Variants in ZNF469 observed in about 807,000 individuals in gnomAD.
ZNF469 encodes zinc finger protein 469.
Under a neutral mutation model 1.0 loss-of-function variants are expected in ZNF469, and 1 was observed. The ratio of observed to expected loss-of-function variants is 1.00; its 90% CI spans 0.35 to 4.73. The LOEUF (loss-of-function observed/expected upper bound fraction) is 4.73, where lower values mean the gene tolerates loss of function less well. ZNF469 is among the 30% of genes most tolerant of loss of function. ZNF469 has a pLI of 0.16. For missense variants in ZNF469, 6,100 were observed against 5,356.3 expected, an observed-to-expected ratio of 1.14 and a Z score of -4.33; for synonymous variants, 2,703 against 2,363.4, an observed-to-expected ratio of 1.14 and a Z score of -4.17.
intron 1 of ZNF469, among the ~76,000 whole-genome samples, chr16:88,385,452 A>G (rs2092534812): frequency 6.6e-6 from 1 of 151,990 alleles, no homozygotes; most frequent in Non-Finnish European, 1.5e-5. Flanking sequence ...CCTGGGCAAC[A>G]TAGTGAGACC....
At chr16:88,389,430 C>A (rs891031178) in intron 1 of ZNF469, among the ~76,000 whole-genome samples, 2 of 152,256 alleles carry the variant, frequency 1.3e-5, no homozygotes, top group Non-Finnish European at 2.9e-5. Context: ...TGGCTTGCCT[C>A]CCCTGTCTGG....
the ZNF469 span, among the ~76,000 whole-genome samples, chr16:88,337,628 A>T: frequency 6.6e-6 from 1 of 152,062 alleles, no homozygotes. Flanking sequence ...TTGCATCCCC[A>T]TTTGCAAGGC....
the ZNF469 span, among the ~76,000 whole-genome samples, chr16:88,331,827 T>C: frequency 6.6e-6 from 1 of 151,908 alleles, no homozygotes; most frequent in Non-Finnish European, 1.5e-5. Flanking sequence ...ATCACTATCA[T>C]CACCATCATC....
intron 1 of ZNF469, among the ~76,000 whole-genome samples, chr16:88,383,471 C>T (rs2092530522): frequency 6.7e-6 from 1 of 148,866 alleles, no homozygotes. Flanking sequence ...ACGTGCGGGG[C>T]AGCGAGCGCC....
intron 1 of ZNF469, among the ~76,000 whole-genome samples, chr16:88,417,847 AGCCCACGTGTGCATGG>A (rs1275058111): frequency 1.3e-5 from 2 of 152,196 alleles, no homozygotes; most frequent in Non-Finnish European, 2.9e-5. Context: ...AGTGTGCGTG[AGCCCACGTGTGCATGG>A]GCATGTGTGG....
the ZNF469 span, among the ~76,000 whole-genome samples, chr16:88,369,756 G>A: frequency 2.6e-5 from 4 of 152,180 alleles, no homozygotes; most frequent in African/African-American, 7.2e-5. Flanking sequence ...GGAATAACGA[G>A]GGGCCACGGT....
chr16:88,388,004 C>T (rs554134299), intron 1 of ZNF469, among the ~76,000 whole-genome samples: 1 of 152,388 alleles, frequency 6.6e-6, no homozygotes, highest in South Asian at 2.1e-4. Flanking sequence ...ACAGGGCAGC[C>T]ACGGCTCCCA....
the ZNF469 span, among the ~76,000 whole-genome samples, chr16:88,309,373 A>T: frequency 6.6e-6 from 1 of 151,516 alleles, no homozygotes; most frequent in Non-Finnish European, 1.5e-5. Context: ...GTGCCCTCTG[A>T]GGTCCCCTGT....
At chr16:88,224,708 TG>T in the ZNF469 span, among the ~76,000 whole-genome samples, 5 of 152,180 alleles carry the variant, frequency 3.3e-5, no homozygotes, top group Non-Finnish European at 5.9e-5. Flanking sequence ...TCTGTGTGTG[TG>T]TGTCCATGTG....
chr16:88,320,339 G>A, the ZNF469 span, among the ~76,000 whole-genome samples: 9 of 152,226 alleles, frequency 5.9e-5, no homozygotes, highest in Admixed American at 1.3e-4. Context: ...GAGGCCTTGC[G>A]TCTTCATCAG....
the ZNF469 span, among the ~76,000 whole-genome samples, chr16:88,140,534 A>C: frequency 6.6e-6 from 1 of 150,400 alleles, no homozygotes; most frequent in Non-Finnish European, 1.5e-5. Context: ...GCGATGTTCA[A>C]AGATCCTGCA....
chr16:88,182,699 AG>A, the ZNF469 span, among the ~76,000 whole-genome samples: 1 of 112,880 alleles, frequency 8.9e-6, no homozygotes, highest in African/African-American at 3.4e-5. Flanking sequence ...CCAAAAACAG[AG>A]AGAAATGAAT....
At position 88,435,307 on chromosome 16, in the gene ZNF469, C is replaced by G; in HGVS notation, c.7837C>G (p.Arg2613Gly). The G allele has an allele frequency of 2.6e-6, 4 of 1,550,290 alleles. No homozygotes were observed. Among genetic ancestry groups the G allele is most frequent in the East Asian group, 2.4e-5 (1 of 40,930 alleles). Residue 2613 changes from arginine (R) to glycine (G), a missense_variant, in exon 3 of 3, where the codon CGG becomes GGG. Physicochemically the swap from Arg to Gly is moderately radical, Grantham distance 125. Transcript: ENST00000565624. ...CAAACAGGCAGAAAAAAGAGAAGGC[C>G]GGAGGTGGCGCCGAGAGCCCACCGT... ...HPKQAEKREG[R>G]RWRREPTVDS...
chr16:88,282,535 C>T, the ZNF469 span, among the ~76,000 whole-genome samples: 1 of 152,198 alleles, frequency 6.6e-6, no homozygotes, highest in African/African-American at 2.4e-5. Context: ...GCAGAAGACA[C>T]AGTGGTGACC....
At chr16:88,189,284 G>A in the ZNF469 span, among the ~76,000 whole-genome samples, 3 of 152,170 alleles carry the variant, frequency 2.0e-5, no homozygotes, top group African/African-American at 4.8e-5. The surrounding 1 kb of genome is among the most constrained non-coding windows in gnomAD (Gnocchi z 4.3). Context: ...GGATGGTAAT[G>A]CTTGGGTGTT....
At chr16:88,244,688 T>G in the ZNF469 span, among the ~76,000 whole-genome samples, 1 of 119,116 alleles carries the variant, frequency 8.4e-6, no homozygotes, top group African/African-American at 4.0e-5. Context: ...TAAATGGGTT[T>G]ATGGATGGAT....
intron 1 of ZNF469, among the ~76,000 whole-genome samples, chr16:88,413,774 C>T (rs780310404): frequency 9.9e-5 from 15 of 152,232 alleles, no homozygotes; most frequent in Non-Finnish European, 1.9e-4. Flanking sequence ...CTCCTGGGCT[C>T]CGCGCCTCAG....
the ZNF469 span, among the ~76,000 whole-genome samples, chr16:88,376,698 A>G: frequency 6.6e-6 from 1 of 152,252 alleles, no homozygotes; most frequent in African/African-American, 2.4e-5. Flanking sequence ...CGGCCCCAGC[A>G]CATTCACTGG....
At chr16:88,201,292 G>A in the ZNF469 span, among the ~76,000 whole-genome samples, 5 of 152,288 alleles carry the variant, frequency 3.3e-5, no homozygotes, top group Non-Finnish European at 7.4e-5. This position sits in a 1 kb window ranked among gnomAD's most constrained non-coding sequence, Gnocchi z 5.0. Flanking sequence ...AGTGGCTCAC[G>A]CCTGTAATCC....
Sources: allele counts gnomAD v4.1 joint callset (sites outside exome capture counted in the v4.1 genomes callset), GRCh38; gene constraint gnomAD v4.1.1; non-coding constraint Gnocchi (gnomAD v3.1); transcripts MANE v1.5; gene names NCBI Gene and HGNC (gene_info 2026-07-23, HGNC 2026-07-21).